Variants in FOXO1 observed in about 807,000 individuals in gnomAD.
FOXO1 encodes the protein forkhead box protein O1.
FOXO1 carries 6 observed loss-of-function variants against 44.1 expected under a neutral mutation model. The observed-to-expected ratio is 0.14, with a 90% CI of 0.07 to 0.27. The LOEUF (loss-of-function observed/expected upper bound fraction) is 0.27, where lower values mean the gene tolerates loss of function less well. Among genes scored for constraint, FOXO1 ranks in the 10% least tolerant of loss-of-function variants. FOXO1 has a pLI of 1.00. For synonymous variants in FOXO1, 380 were observed against 362.7 expected, an observed-to-expected ratio of 1.05 and a Z score of -0.54; for missense variants, 737 against 888.8, an observed-to-expected ratio of 0.83 and a Z score of 2.17.
At chr13:40,639,537 T>C (rs1365910071) in intron 1 of FOXO1, among the ~76,000 whole-genome samples, 1 of 152,236 alleles carries the variant, frequency 6.6e-6, no homozygotes, top group Non-Finnish European at 1.5e-5. Flanking sequence ...AAAAATAAAC[T>C]AATTTTGTCT....
At chr13:40,582,256 TTTA>T (rs536579254) in intron 1 of FOXO1, among the ~76,000 whole-genome samples, 104 of 152,364 alleles carry the variant, frequency 6.8e-4, no homozygotes, top group African/African-American at 2.4e-3. Context: ...ATTAAAAACT[TTTA>T]TTGTTAAAAT....
intron 1 of FOXO1, among the ~76,000 whole-genome samples, chr13:40,653,293 G>A (rs1877745966): frequency 6.6e-6 from 1 of 152,144 alleles, no homozygotes; most frequent in Admixed American, 6.6e-5. Flanking sequence ...TTCAGGTACA[G>A]AATGCAGGGT....
chr13:40,642,435 C>T (rs968367657), intron 1 of FOXO1, among the ~76,000 whole-genome samples: 2 of 152,200 alleles, frequency 1.3e-5, no homozygotes, highest in Admixed American at 6.5e-5. Context: ...TCATGCCTGT[C>T]ACCACATATA....
intron 1 of FOXO1, among the ~76,000 whole-genome samples, chr13:40,580,103 TAAAG>T (rs1022093610): frequency 6.6e-5 from 10 of 152,344 alleles, no homozygotes; most frequent in African/African-American, 2.2e-4. Flanking sequence ...CTGCTGCTGT[TAAAG>T]AAAGAGCATT....
intron 1 of FOXO1, among the ~76,000 whole-genome samples, chr13:40,637,807 A>C (rs1295439997): frequency 6.6e-6 from 1 of 152,232 alleles, no homozygotes; most frequent in Non-Finnish European, 1.5e-5. Context: ...AGGCAGTGTG[A>C]CCGGCAAACC....
intron 1 of FOXO1, among the ~76,000 whole-genome samples, chr13:40,585,005 A>G (rs1436942247): frequency 2.0e-5 from 3 of 152,246 alleles, no homozygotes; most frequent in African/African-American, 7.2e-5. Flanking sequence ...TGATTTAACA[A>G]GAGGAAGATG....
At chr13:40,583,861 T>G (rs570340553) in intron 1 of FOXO1, among the ~76,000 whole-genome samples, 95 of 152,370 alleles carry the variant, frequency 6.2e-4, no homozygotes, top group Non-Finnish European at 1.2e-3. Context: ...CATTCACAAC[T>G]TGGCTGACTG....
rs765236963 is a variant in FOXO1, at chr13:40,555,847, G to T, written c.*3202C>A. ...GTGTCTGTAAGTACATCAACATCAG[G>T]CACTTCTCAGAGTATCGGAACAAGA... On this transcript the variant is annotated 3_prime_UTR_variant, in exon 3 of 3. Coordinates refer to ENST00000379561, the MANE Select transcript of FOXO1 (RefSeq NM_002015.4). 1.3e-5 allele frequency: 2 copies of T among 152,604 alleles called. No homozygotes were observed. The highest frequency in any genetic ancestry group is 2.9e-5 in the Non-Finnish European group (2 of 68,032). 9.5% of individuals were successfully genotyped at this position (152,604 alleles called of 1,614,324 possible). A position where few individuals can be genotyped will look rare whatever the true frequency, so the allele number is the denominator to read the frequency against.
At chr13:40,579,934 A>T (rs2137849026) in intron 1 of FOXO1, among the ~76,000 whole-genome samples, 1 of 152,360 alleles carries the variant, frequency 6.6e-6, no homozygotes, top group East Asian at 1.9e-4. Flanking sequence ...ATTTGCAACT[A>T]AAATACAGGG....
intron 1 of FOXO1, among the ~76,000 whole-genome samples, chr13:40,607,897 G>A (rs754514575): frequency 7.2e-5 from 11 of 152,210 alleles, no homozygotes; most frequent in Non-Finnish European, 1.6e-4. Flanking sequence ...ATTGCCTGGG[G>A]TTCCCCCAAT....
intron 1 of FOXO1, among the ~76,000 whole-genome samples, chr13:40,617,280 T>C (rs968824560): frequency 2.6e-5 from 4 of 152,112 alleles, no homozygotes; most frequent in Non-Finnish European, 5.9e-5. Context: ...GACTCGCCTC[T>C]ACTAAAAATA....
chr13:40,578,848 G>A (rs1874857843), intron 1 of FOXO1, among the ~76,000 whole-genome samples: 1 of 152,160 alleles, frequency 6.6e-6, no homozygotes, highest in Non-Finnish European at 1.5e-5. Flanking sequence ...TTGTTGGTGG[G>A]ATCACATGCA....
chr13:40,616,987 C>T (rs560298965), intron 1 of FOXO1, among the ~76,000 whole-genome samples: 16 of 152,288 alleles, frequency 1.1e-4, no homozygotes, highest in Admixed American at 3.9e-4. Flanking sequence ...TGAATACATA[C>T]AAAACCTGCC....
chr13:40,592,401 T>G (rs773158537), intron 1 of FOXO1, among the ~76,000 whole-genome samples: 1 of 152,218 alleles, frequency 6.6e-6, no homozygotes, highest in African/African-American at 2.4e-5. Context: ...GGAGTTACCT[T>G]AAATTATTAA....
intron 1 of FOXO1, chr13:40,619,911 T>A (rs1346837014): frequency 2.9e-6 from 2 of 691,494 alleles, no homozygotes; most frequent in Non-Finnish European, 5.3e-6. Flanking sequence ...GATATAATGT[T>A]ACAGTGAGAA....
At chr13:40,588,867 G>A (rs943985725) in intron 1 of FOXO1, among the ~76,000 whole-genome samples, 1 of 152,166 alleles carries the variant, frequency 6.6e-6, no homozygotes, top group African/African-American at 2.4e-5. Context: ...CACTTTGGGA[G>A]GCCGAGGTGG....
chr13:40,636,662 C>T (rs533930595), intron 1 of FOXO1, among the ~76,000 whole-genome samples: 1 of 152,024 alleles, frequency 6.6e-6, no homozygotes, highest in East Asian at 1.9e-4. Context: ...GCTGAGATTA[C>T]AGGCATGCAC....
chr13:40,665,466 TCC>T, intron 1 of FOXO1, 115 bp downstream of exon 1: 1 of 931,226 alleles, frequency 1.1e-6, no homozygotes, highest in Non-Finnish European at 1.4e-6. Flanking sequence ...TCGCCCGCCC[TCC>T]TGGGAACGCG....
chr13:40,665,425 AC>A (rs2137949817), intron 1 of FOXO1, among the ~76,000 whole-genome samples, 157 bp downstream of exon 1: 1 of 143,670 alleles, frequency 7.0e-6, no homozygotes, highest in East Asian at 2.0e-4. Context: ...CCCCGACCGG[AC>A]CCGGGCGAGG....
Sources: allele counts gnomAD v4.1 joint callset (sites outside exome capture counted in the v4.1 genomes callset), GRCh38; gene constraint gnomAD v4.1.1; transcripts MANE v1.5; gene names NCBI Gene and HGNC (gene_info 2026-07-23, HGNC 2026-07-21).